AGMO: variants seen among roughly 807,000 people sequenced by gnomAD.
The protein encoded by AGMO is glyceryl-ether monooxygenase.
A neutral mutation model predicts 60.2 loss-of-function variants in AGMO; 75 were observed. That is an observed-to-expected ratio of 1.25 (90% CI 1.03 to 1.51). The LOEUF (loss-of-function observed/expected upper bound fraction) is 1.51. AGMO is among the 40% of genes most tolerant of loss of function. AGMO has a pLI of 0.00. For missense variants in AGMO, 763 were observed against 525.5 expected (o/e 1.45, Z -4.42); for synonymous variants, 261 against 177.1 (o/e 1.47, Z -3.76).
At chr7:15,177,452 T>C in the AGMO span, among the ~76,000 whole-genome samples, 15 of 152,120 alleles carry the variant, frequency 9.9e-5, 1 homozygote, top group Admixed American at 9.8e-4. Context: ...TTTCTGGTTT[T>C]AGTTCCAGTG....
intron 12 of AGMO, among the ~76,000 whole-genome samples, chr7:15,240,686 T>C (rs1707441860): frequency 6.6e-6 from 1 of 152,156 alleles, no homozygotes; most frequent in African/African-American, 2.4e-5. Context: ...TAAATACAGA[T>C]ACTGCCTGTT....
chr7:15,430,353 T>G (rs905705060), intron 4 of AGMO, among the ~76,000 whole-genome samples: 1 of 151,794 alleles, frequency 6.6e-6, no homozygotes, highest in Admixed American at 6.6e-5. Flanking sequence ...TTCAGTATCA[T>G]GTATTTTCAT....
intron 3 of AGMO, among the ~76,000 whole-genome samples, chr7:15,494,789 C>G (rs908466235): frequency 1.3e-5 from 2 of 152,186 alleles, no homozygotes; most frequent in African/African-American, 2.4e-5. Context: ...ACACAATTTA[C>G]CAGAATAAAT....
chr7:15,479,296 T>C (rs1372078173), intron 3 of AGMO, among the ~76,000 whole-genome samples: 1 of 152,120 alleles, frequency 6.6e-6, no homozygotes, highest in Non-Finnish European at 1.5e-5. Flanking sequence ...CAATCAAAGT[T>C]AAGCAAAATC....
intron 12 of AGMO, among the ~76,000 whole-genome samples, chr7:15,282,627 G>A (rs149405814): frequency 1.3e-5 from 2 of 152,318 alleles, no homozygotes; most frequent in South Asian, 2.1e-4. Context: ...AATAATTGGT[G>A]AGGGAGAAGA....
At chr7:15,430,629 T>TA (rs1562503161) in intron 4 of AGMO, among the ~76,000 whole-genome samples, 1 of 106,890 alleles carries the variant, frequency 9.4e-6, no homozygotes, top group Non-Finnish European at 2.1e-5. Flanking sequence ...CTGGTTTTTT[T>TA]TAAAAAAAAA....
chr7:15,507,976 A>G (rs1257969866), intron 3 of AGMO, among the ~76,000 whole-genome samples: 1 of 152,042 alleles, frequency 6.6e-6, no homozygotes, highest in Non-Finnish European at 1.5e-5. Flanking sequence ...CACTTTTGTC[A>G]TTGTTAAAAA....
At chr7:15,431,230 G>A (rs955797986) in intron 3 of AGMO, 122 bp from the exon 4 acceptor site, 5 of 655,672 alleles carry the variant, frequency 7.6e-6, no homozygotes, top group African/African-American at 5.7e-5. Context: ...GTAAAAGCTG[G>A]CCAATATAAT....
chr7:15,334,286 A>G (rs1178790673), intron 12 of AGMO, among the ~76,000 whole-genome samples: 2 of 146,816 alleles, frequency 1.4e-5, no homozygotes, highest in Non-Finnish European at 3.0e-5. Context: ...AATTATCAAA[A>G]AAGTGTTATT....
chr7:15,308,129 G>A (rs530721008), intron 12 of AGMO, among the ~76,000 whole-genome samples: 2 of 152,076 alleles, frequency 1.3e-5, no homozygotes, highest in South Asian at 2.1e-4. Context: ...ATCTATTTAT[G>A]TCATTTCTTT....
At chr7:15,283,123 A>G (rs1227755941) in intron 12 of AGMO, among the ~76,000 whole-genome samples, 1 of 152,164 alleles carries the variant, frequency 6.6e-6, no homozygotes, top group Non-Finnish European at 1.5e-5. Flanking sequence ...TATATGAAAC[A>G]TAATAGAACC....
intron 12 of AGMO, among the ~76,000 whole-genome samples, chr7:15,222,864 C>T (rs1403051872): frequency 2.0e-5 from 3 of 151,790 alleles, no homozygotes; most frequent in Non-Finnish European, 4.4e-5. Flanking sequence ...AAGGATTTTC[C>T]CCAACATGCG....
At chr7:15,284,681 C>T (rs1209408618) in intron 12 of AGMO, among the ~76,000 whole-genome samples, 3 of 151,724 alleles carry the variant, frequency 2.0e-5, no homozygotes. Context: ...GGAACTAGTC[C>T]AAAAGATTCA....
At chr7:15,481,357 A>C (rs1583597005) in intron 3 of AGMO, among the ~76,000 whole-genome samples, 1 of 152,282 alleles carries the variant, frequency 6.6e-6, no homozygotes, top group South Asian at 2.1e-4. Flanking sequence ...GTTACCAGGC[A>C]GTCCGTGAAT....
chr7:15,394,002 TA>T, intron 6 of AGMO, 110 bp downstream of exon 6: 1 of 822,304 alleles, frequency 1.2e-6, no homozygotes. Flanking sequence ...TATTTATTTG[TA>T]AAATGTGTGC....
chr7:15,224,257 C>T (rs1326156480), intron 12 of AGMO, among the ~76,000 whole-genome samples: 1 of 151,944 alleles, frequency 6.6e-6, no homozygotes, highest in African/African-American at 2.4e-5. Flanking sequence ...ACCTCTGTTG[C>T]AGAATGAATA....
chr7:15,140,930 T>C, the AGMO span, among the ~76,000 whole-genome samples: 1 of 152,292 alleles, frequency 6.6e-6, no homozygotes, highest in African/African-American at 2.4e-5. Context: ...TGTTTTCTTG[T>C]GTGTTTGGGG....
intron 3 of AGMO, among the ~76,000 whole-genome samples, chr7:15,505,242 A>G (rs1183196691): frequency 1.3e-5 from 2 of 152,004 alleles, no homozygotes; most frequent in African/African-American, 2.4e-5. Flanking sequence ...TAACAGGATT[A>G]AGAAATTAAG....
chr7:15,494,883 C>T (rs556043973), intron 3 of AGMO, among the ~76,000 whole-genome samples: 2 of 152,318 alleles, frequency 1.3e-5, no homozygotes, highest in East Asian at 1.9e-4. Context: ...AGGTCTCAGA[C>T]TTACTAAATG....
Sources: gnomAD v4.1 joint callset for allele counts (sites outside exome capture counted in the v4.1 genomes callset) on GRCh38, gnomAD v4.1.1 for gene constraint, MANE v1.5 for transcripts, NCBI Gene and HGNC (gene_info 2026-07-23, HGNC 2026-07-21) for gene names.